The following LRMDA variants were observed in gnomAD, a reference collection of about 807,000 sequenced individuals.
LRMDA encodes leucine rich melanocyte differentiation associated.
In LRMDA, 18 loss-of-function variants were observed where a neutral mutation model predicts 29.8. The ratio of observed to expected loss-of-function variants is 0.60; its 90% CI spans 0.42 to 0.90. The LOEUF is 0.90. Ranked by LOEUF, LRMDA falls within the 40% of genes least tolerant of loss-of-function variation. The probability of loss-of-function intolerance (pLI) is 0.00; values close to 1 mark genes in which losing one functional copy is unlikely to be tolerated. For synonymous variants in LRMDA, 125 were observed against 109.4 expected, an observed-to-expected ratio of 1.14 and a Z score of -0.89; for missense variants, 273 against 273.9, an observed-to-expected ratio of 1.00 and a Z score of 0.02.
chr10:76,305,976 C>G (rs1027237869), intron 5 of LRMDA, among the ~76,000 whole-genome samples: 1 of 152,148 alleles, frequency 6.6e-6, no homozygotes, highest in African/African-American at 2.4e-5. Flanking sequence ...TCCCTTGGCT[C>G]CAATCTACTA....
At chr10:76,118,965 G>A (rs1482073595) in intron 5 of LRMDA, among the ~76,000 whole-genome samples, 1 of 150,998 alleles carries the variant, frequency 6.6e-6, no homozygotes, top group Non-Finnish European at 1.5e-5. Flanking sequence ...TTTTCAAAGG[G>A]CGCAGGCCAA....
intron 5 of LRMDA, among the ~76,000 whole-genome samples, chr10:76,128,289 G>A (rs945624126): frequency 6.6e-6 from 1 of 152,182 alleles, no homozygotes; most frequent in South Asian, 2.1e-4. Flanking sequence ...TCCCAAGTCC[G>A]CCGCAGTGTT....
intron 5 of LRMDA, among the ~76,000 whole-genome samples, chr10:76,142,071 C>T (rs899855339): frequency 1.2e-4 from 18 of 152,024 alleles, no homozygotes; most frequent in African/African-American, 4.1e-4. Flanking sequence ...CTATCCATAG[C>T]TTCTCTGTGG....
intron 6 of LRMDA, among the ~76,000 whole-genome samples, chr10:76,380,985 G>A (rs1361483882): frequency 7.1e-6 from 1 of 140,740 alleles, no homozygotes; most frequent in Non-Finnish European, 1.5e-5. Context: ...ATGTATGTAT[G>A]TATTAGTAAT....
At chr10:76,555,180 C>G (rs535456990) in intron 6 of LRMDA, among the ~76,000 whole-genome samples, 1 of 152,180 alleles carries the variant, frequency 6.6e-6, no homozygotes, top group African/African-American at 2.4e-5. Flanking sequence ...CAGCCAAGCC[C>G]ACAGACCAGC....
At chr10:75,908,265 A>G (rs1845787992) in intron 2 of LRMDA, among the ~76,000 whole-genome samples, 1 of 151,350 alleles carries the variant, frequency 6.6e-6, no homozygotes, top group South Asian at 2.2e-4. Flanking sequence ...GGCCAGAGCC[A>G]GGGCCCTGGG....
At chr10:75,511,254 C>T (rs1305375531) in intron 2 of LRMDA, among the ~76,000 whole-genome samples, 3 of 152,096 alleles carry the variant, frequency 2.0e-5, no homozygotes, top group African/African-American at 4.8e-5. Context: ...AGGATTGCCT[C>T]AGCACAGGAG....
chr10:76,167,119 G>A (rs1024236746), intron 5 of LRMDA, among the ~76,000 whole-genome samples: 2 of 152,038 alleles, frequency 1.3e-5, no homozygotes, highest in East Asian at 1.9e-4. Flanking sequence ...CTTTTGAAAA[G>A]TGTCTGTGTT....
chr10:75,781,892 C>T (rs925791267), intron 2 of LRMDA, among the ~76,000 whole-genome samples: 2 of 152,190 alleles, frequency 1.3e-5, no homozygotes, highest in African/African-American at 4.8e-5. Context: ...GATTCACACC[C>T]AGGTTTTCTC....
At chr10:75,678,879 G>A (rs534566091) in intron 2 of LRMDA, among the ~76,000 whole-genome samples, 4 of 152,272 alleles carry the variant, frequency 2.6e-5, no homozygotes, top group East Asian at 1.9e-4. Flanking sequence ...CCAAGGACTC[G>A]AAGGATGTGG....
intron 2 of LRMDA, among the ~76,000 whole-genome samples, chr10:75,930,513 A>G (rs1357216483): frequency 6.6e-6 from 1 of 152,184 alleles, no homozygotes; most frequent in Non-Finnish European, 1.5e-5. Flanking sequence ...GTTTTATGGT[A>G]AGCAGACATT....
chr10:75,949,847 A>G (rs1249075985), intron 2 of LRMDA, among the ~76,000 whole-genome samples: 1 of 152,186 alleles, frequency 6.6e-6, no homozygotes, highest in South Asian at 2.1e-4. Context: ...TTCTGCCCCA[A>G]GGAAAATTTC....
chr10:75,630,199 G>A (rs1841305202), intron 2 of LRMDA, among the ~76,000 whole-genome samples: 2 of 152,126 alleles, frequency 1.3e-5, no homozygotes, highest in African/African-American at 4.8e-5. Flanking sequence ...TGGCTGGGTG[G>A]GCCACTCTGT....
At chr10:75,596,355 G>A (rs1318497921) in intron 2 of LRMDA, among the ~76,000 whole-genome samples, 2 of 152,202 alleles carry the variant, frequency 1.3e-5, no homozygotes. Context: ...GTGACAGGAT[G>A]CTTTGTTGGC....
intron 5 of LRMDA, among the ~76,000 whole-genome samples, chr10:76,105,521 A>C (rs979977357): frequency 1.3e-5 from 2 of 152,176 alleles, no homozygotes; most frequent in Non-Finnish European, 2.9e-5. Context: ...AAGTTCTTTT[A>C]ATAGAAGAGA....
At chr10:75,749,972 A>C (rs1589186175) in intron 2 of LRMDA, among the ~76,000 whole-genome samples, 2 of 152,366 alleles carry the variant, frequency 1.3e-5, no homozygotes, top group Non-Finnish European at 2.9e-5. Flanking sequence ...ACAGCATCCC[A>C]AGGCAGAAGA....
intron 2 of LRMDA, among the ~76,000 whole-genome samples, chr10:75,898,903 A>G (rs1399977862): frequency 6.6e-6 from 1 of 152,168 alleles, no homozygotes; most frequent in Admixed American, 6.5e-5. Flanking sequence ...TTTTTGGACT[A>G]TAATATAGGT....
chr10:76,085,107 G>T (rs980830870), intron 5 of LRMDA, among the ~76,000 whole-genome samples: 2 of 152,158 alleles, frequency 1.3e-5, no homozygotes. Context: ...AGAGAAGGTT[G>T]TAAAGAATAT....
chr10:75,961,183 T>C (rs1846759404), intron 2 of LRMDA, among the ~76,000 whole-genome samples: 1 of 152,234 alleles, frequency 6.6e-6, no homozygotes, highest in African/African-American at 2.4e-5. Flanking sequence ...TTTCTAATAC[T>C]CTTGCCAGCC....
Sources: gnomAD v4.1 joint callset for allele counts (sites outside exome capture counted in the v4.1 genomes callset) on GRCh38, gnomAD v4.1.1 for gene constraint, MANE v1.5 for transcripts, NCBI Gene and HGNC (gene_info 2026-07-23, HGNC 2026-07-21) for gene names.